The following SMCHD1 variants were observed in gnomAD, a reference collection of about 807,000 sequenced individuals.
SMCHD1 encodes the protein structural maintenance of chromosomes flexible hinge domain containing 1.
In SMCHD1, 78 loss-of-function variants were observed where a neutral mutation model predicts 254.7. The observed-to-expected ratio is 0.31, with a 90% CI of 0.26 to 0.37. SMCHD1 has a LOEUF of 0.37. SMCHD1 is among the 10% of genes least tolerant of loss of function. The probability of loss-of-function intolerance (pLI) is 1.00; values close to 1 mark genes in which losing one functional copy is unlikely to be tolerated. For missense variants in SMCHD1, 1,840 were observed against 2,408.1 expected, an observed-to-expected ratio of 0.76 and a Z score of 4.94; for synonymous variants, 766 against 794.9, an observed-to-expected ratio of 0.96 and a Z score of 0.61.
At chr18:2,778,142 T>C (rs1268025340) in intron 43 of SMCHD1, 27 bp from the exon 44 acceptor site, 2 of 1,520,828 alleles carry the variant, frequency 1.3e-6, no homozygotes, top group Non-Finnish European at 1.8e-6. Context: ...ATCATAATTT[T>C]CAAAATTCAT....
At chr18:2,687,922 C>T (rs2074088942) in intron 5 of SMCHD1, among the ~76,000 whole-genome samples, 1 of 152,114 alleles carries the variant, frequency 6.6e-6, no homozygotes, top group Admixed American at 6.5e-5. Flanking sequence ...TTTTGAAAGA[C>T]CAGTGATGCC....
intron 24 of SMCHD1, among the ~76,000 whole-genome samples, chr18:2,730,479 A>T (rs540031867): frequency 3.9e-5 from 6 of 152,126 alleles, no homozygotes; most frequent in African/African-American, 1.4e-4. Flanking sequence ...CCACAAAGGG[A>T]TTTCTATATC....
chr18:2,718,133 ATTGT>A lies in SMCHD1; in HGVS notation c.2261-22_2261-19del. Reference sequence around the variant, plus strand: ...TTTACGTTGAATTTCTCAAGACACTATTGTTTCTTTTTTCTTTTATTAAGCTTCA... The same window carrying A: ...TTTACGTTGAATTTCTCAAGACACTATTCTTTTTTCTTTTATTAAGCTTCA... On this transcript the variant is annotated intron_variant, in intron 17 of 47. Coordinates refer to ENST00000320876, the MANE Select transcript of SMCHD1 (RefSeq NM_015295.3). This position sits in a 1 kb window ranked among gnomAD's most constrained non-coding sequence, Gnocchi z 4.6. The A allele has an allele frequency of 6.5e-7, 1 of 1,546,788 alleles. No individual in the cohort carries two copies. Among genetic ancestry groups the A allele is most frequent in the Non-Finnish European group, 8.9e-7 (1 of 1,127,690 alleles).
At position 2,759,571 on chromosome 18, in the gene SMCHD1, C is replaced by CTTTTTTTTTTTT. The variant is rs61159403; in HGVS notation, c.4347-1076_4347-1065dup. On this transcript the variant is annotated intron_variant, in intron 34 of 47. Transcript: ENST00000320876. ...AAGCAGAAGTCCGTTTTAATTCTCT[C>CTTTTTTTTTTTT]TTTTTTTTTTTTTTTTGAGATAGAG... 4.6e-3 allele frequency among the ~76,000 whole-genome samples: 319 copies of CTTTTTTTTTTTT among 69,390 alleles called. 13 individuals are homozygous for CTTTTTTTTTTTT. The highest frequency in any genetic ancestry group is 9.5e-3 in the South Asian group (16 of 1,682). The allele number at this position is 69,390 out of a possible 152,430, so 45.5% of individuals were successfully genotyped here. A position where few individuals can be genotyped will look rare whatever the true frequency, so the allele number is the denominator to read the frequency against.
chr18:2,672,274 T>C (rs1229020429), intron 3 of SMCHD1, among the ~76,000 whole-genome samples: 3 of 152,194 alleles, frequency 2.0e-5, no homozygotes, highest in African/African-American at 7.2e-5. Context: ...TTGCCCAGGC[T>C]GGAGTGCAGT....
intron 37 of SMCHD1, among the ~76,000 whole-genome samples, chr18:2,768,164 T>TA (rs55746253): frequency 0.05 from 7,411 of 147,748 alleles, 271 homozygotes; most frequent in Non-Finnish European, 0.08. Flanking sequence ...GCAAATCAAT[T>TA]AAAAAAAAAA....
chr18:2,724,333 G>A (rs1306630791), intron 20 of SMCHD1, among the ~76,000 whole-genome samples: 1 of 151,664 alleles, frequency 6.6e-6, no homozygotes, highest in African/African-American at 2.4e-5. Context: ...CAAATCTGAT[G>A]AAATTAGCTT....
rs1202113874 is a variant in SMCHD1, at chr18:2,794,512, CAA to C, written c.5720-1433_5720-1432del. Among the ~76,000 whole-genome samples, 4 of 152,058 alleles carry C rather than the reference CAA, an allele frequency of 2.6e-5. No individual in the cohort carries two copies. The South Asian group carries it at 6.2e-4, about 24-fold the overall frequency. Reference sequence around the variant, plus strand: ...CAGAGTGAGACCGTATCTCAAAAAACAAAAACAAAAAACTGAATAAACCATTC... The same window carrying C: ...CAGAGTGAGACCGTATCTCAAAAAACAAACAAAAAACTGAATAAACCATTC... On this transcript the variant is annotated intron_variant, in intron 45 of 47. Transcript: ENST00000320876.
At chr18:2,686,473 G>A (rs889360401) in intron 5 of SMCHD1, among the ~76,000 whole-genome samples, 20 of 152,116 alleles carry the variant, frequency 1.3e-4, no homozygotes, top group Admixed American at 2.6e-4. Context: ...AGCTTGCATC[G>A]TTTATAAGGA....
At chr18:2,662,113 T>C (rs1195808141) in intron 1 of SMCHD1, among the ~76,000 whole-genome samples, 3 of 135,318 alleles carry the variant, frequency 2.2e-5, no homozygotes, top group African/African-American at 8.9e-5. Flanking sequence ...GAGCCGAGAT[T>C]GCGCCACTGC....
chr18:2,713,699 A>G (rs567119406), intron 17 of SMCHD1, among the ~76,000 whole-genome samples: 1 of 152,306 alleles, frequency 6.6e-6, no homozygotes, highest in South Asian at 2.1e-4. Flanking sequence ...ATATATATGT[A>G]TTTTAAATTT....
At chr18:2,708,017 A>C in intron 17 of SMCHD1, 97 bp downstream of exon 17, 11 of 651,226 alleles carry the variant, frequency 1.7e-5, no homozygotes, top group Non-Finnish European at 2.6e-5. Context: ...TAGCAATCTG[A>C]TAGGCATAGC....
chr18:2,795,247 C>T (rs769496530), intron 45 of SMCHD1, among the ~76,000 whole-genome samples: 37 of 152,018 alleles, frequency 2.4e-4, no homozygotes, highest in Non-Finnish European at 4.4e-4. Context: ...TTATTAGAGA[C>T]GGGGTTTCAC....
rs141600143 is a variant in SMCHD1 at position 2,790,904 on chromosome 18, G to C, written c.5720-5045G>C. The stretch of plus-strand genomic sequence containing the variant: ...ATGTGCCCTGAAAATGTGTACATCT[G>C]TCATATATCAATTTTAAAAATGAAA... On this transcript the variant is annotated intron_variant, in intron 45 of 47. Transcript: ENST00000320876. 2.5e-4 allele frequency among the ~76,000 whole-genome samples: 38 copies of C among 152,238 alleles called. No individual in the cohort carries two copies. The East Asian group carries it at 5.6e-3, about 22-fold the overall frequency.
Position 2,802,538 on chromosome 18 carries a change from A to G in SMCHD1, c.6004A>G (p.Lys2002Glu), listed in dbSNP as rs1163758171. Residue 2002 changes from lysine to glutamate, a missense_variant, in exon 48 of 48, where the codon AAA (lysine) becomes GAA (glutamate). Coordinates refer to ENST00000320876, the MANE Select transcript of SMCHD1 (RefSeq NM_015295.3). Reference protein sequence around the residue: ...EATRQNRIITKTDV With the variant: ...EATRQNRIITETDV ...TTCCCCTTTGACCAGGATTATAACC[A>G]AAACAGATGTATGAGAGGTGACAGA... 2.6e-6 allele frequency: 4 copies of G among 1,554,434 alleles called. No individual in the cohort carries two copies. In the East Asian group the frequency reaches 7.2e-5, roughly 28 times the overall value.
chr18:2,682,084 A>C (rs914076426), intron 5 of SMCHD1, among the ~76,000 whole-genome samples: 1 of 152,098 alleles, frequency 6.6e-6, no homozygotes, highest in South Asian at 2.1e-4. Context: ...GGTCATTTCC[A>C]TATGTCTGGC....
intron 3 of SMCHD1, among the ~76,000 whole-genome samples, chr18:2,671,832 T>C (rs758575244): frequency 2.8e-4 from 42 of 151,894 alleles, no homozygotes; most frequent in African/African-American, 9.4e-4. Flanking sequence ...TCTTCTGACC[T>C]GAAGATCCGC....
At chr18:2,774,723 A>G (rs957763817) in intron 41 of SMCHD1, among the ~76,000 whole-genome samples, 8 of 152,150 alleles carry the variant, frequency 5.3e-5, no homozygotes, top group African/African-American at 1.9e-4. Context: ...ATGTTTCTAA[A>G]AGTGACACAC....
chr18:2,770,828 C>T (rs540270732), intron 39 of SMCHD1, among the ~76,000 whole-genome samples: 54 of 152,176 alleles, frequency 3.5e-4, no homozygotes, highest in African/African-American at 1.2e-3. Context: ...ACCATGTTGG[C>T]CGGGCTGGTC....
Sources: allele counts gnomAD v4.1 joint callset (sites outside exome capture counted in the v4.1 genomes callset), GRCh38; gene constraint gnomAD v4.1.1; non-coding constraint Gnocchi (gnomAD v3.1); transcripts MANE v1.5; gene names NCBI Gene and HGNC (gene_info 2026-07-23, HGNC 2026-07-21).